Variants in MET observed in about 807,000 individuals in gnomAD.
MET encodes MET proto-oncogene, receptor tyrosine kinase, also known as hepatocyte growth factor receptor.
A neutral mutation model predicts 133.1 loss-of-function variants in MET; 48 were observed. The ratio of observed to expected loss-of-function variants is 0.36; its 90% CI spans 0.29 to 0.46. MET has a LOEUF of 0.46. Ranked by LOEUF, MET falls within the 20% of genes least tolerant of loss-of-function variation. MET has a pLI of 1.00. For missense variants in MET, 1,442 were observed against 1,695.9 expected, an observed-to-expected ratio of 0.85 and a Z score of 2.63; for synonymous variants, 628 against 616.5, an observed-to-expected ratio of 1.02 and a Z score of -0.28.
intron 1 of MET, among the ~76,000 whole-genome samples, chr7:116,674,429 A>C (rs1796081770): frequency 6.6e-6 from 1 of 152,254 alleles, no homozygotes; most frequent in Non-Finnish European, 1.5e-5. Context: ...AATCTTTAAA[A>C]AAAAATTGTC....
At chr7:116,775,156 A>G (rs769080501) in intron 15 of MET, 45 bp downstream of exon 15, 1 of 1,586,828 alleles carries the variant, frequency 6.3e-7, no homozygotes, top group Non-Finnish European at 8.7e-7. Context: ...ATTTTCCAGT[A>G]AGCATTTTAT....
intron 2 of MET, among the ~76,000 whole-genome samples, chr7:116,716,715 G>T (rs906119396): frequency 2.6e-5 from 4 of 152,226 alleles, no homozygotes; most frequent in African/African-American, 9.6e-5. Context: ...GGCATTTGCA[G>T]AGACAGGGCT....
chr7:116,709,159 C>T (rs893925429), intron 2 of MET, among the ~76,000 whole-genome samples: 6 of 152,064 alleles, frequency 3.9e-5, no homozygotes, highest in Non-Finnish European at 7.4e-5. Flanking sequence ...TATATTGTTC[C>T]GGTTTATAGG....
At position 116,754,758 on chromosome 7, in the gene MET, AG is replaced by A. The variant is rs533707752; in HGVS notation, c.1702-596del. ...CTTGAGCTCAAGAGGTTGAGGCTGC[AG>A]TGAGCCATGATCACGCCACTGCACT... On this transcript the variant is annotated intron_variant, in intron 5 of 20. Transcript: ENST00000397752. Among the ~76,000 whole-genome samples the A allele has an allele frequency of 2.2e-3, 333 of 151,600 alleles. 4 individuals are homozygous for A. Among genetic ancestry groups the A allele is most frequent in the East Asian group, 3.9e-4 (2 of 5,164 alleles).
rs548311809 is a variant in MET, at chr7:116,695,623, G to A, written c.-14-3448G>A. 6.5e-4 allele frequency: 185 copies of A among 284,926 alleles called. 4 individuals are homozygous for A. The highest frequency in any genetic ancestry group is 4.7e-3 in the South Asian group (152 of 32,288). The allele number at this position is 284,926 out of a possible 1,614,324, so 17.6% of individuals were successfully genotyped here. On this transcript the variant is annotated intron_variant, in intron 1 of 20. Coordinates refer to ENST00000397752, the MANE Select transcript of MET (RefSeq NM_000245.4). ...GCTTTGGAAGCTGCTTCGGCATAGTGAAGCACTTAAGAGCATGGATGGGTT... is the reference window on the plus strand; with the variant it reads ...GCTTTGGAAGCTGCTTCGGCATAGTAAAGCACTTAAGAGCATGGATGGGTT...
chr7:116,791,005 G>C (rs1795474408), intron 19 of MET, among the ~76,000 whole-genome samples: 1 of 152,152 alleles, frequency 6.6e-6, no homozygotes. Flanking sequence ...TTGAACCCTG[G>C]ATGCAGAGGT....
In MET at chr7:116,750,540, A is replaced by G. The variant is rs558225070; in HGVS notation, c.1702-4815A>G. Among the ~76,000 whole-genome samples, 37 of 152,370 alleles carry G rather than the reference A, an allele frequency of 2.4e-4. No homozygotes were observed. The East Asian group carries it at 6.2e-3, about 25-fold the overall frequency. ...ATGCATGGGCAAAGACTTCATGACT[A>G]AAACACCAAAAGCAATGGCAACAAA... On this transcript the variant is annotated intron_variant, in intron 5 of 20. Coordinates refer to ENST00000397752, the MANE Select transcript of MET (RefSeq NM_000245.4).
At chr7:116,716,339 AAAG>A (rs1792206088) in intron 2 of MET, among the ~76,000 whole-genome samples, 1 of 105,330 alleles carries the variant, frequency 9.5e-6, no homozygotes, top group African/African-American at 3.5e-5. Flanking sequence ...GAGAGAGAGA[AAAG>A]AAACGGAGAG....
rs2117060706 is a variant in MET at position 116,782,092 on chromosome 7, C to T, written c.3627C>T (p.Asn1209=). The T allele has an allele frequency of 1.2e-6, 2 of 1,605,286 alleles. No individual in the cohort carries two copies. Among genetic ancestry groups the T allele is most frequent in the Non-Finnish European group, 8.5e-7 (1 of 1,172,544 alleles). Residue 1209 remains asparagine, a synonymous_variant, in exon 18 of 21, where the codon AAC becomes AAT. Coordinates refer to ENST00000397752, the MANE Select transcript of MET (RefSeq NM_000245.4). The part of the protein sequence containing the change: ...KFVHRDLAAR[N]CMLDEKFTVK... ...TCCACAGAGACTTGGCTGCAAGAAA[C>T]TGTATGTAAGTATCAGAATCTCTGT... is the stretch of plus-strand genomic sequence containing the variant.
At chr7:116,781,560 T>G (rs530088726) in intron 17 of MET, among the ~76,000 whole-genome samples, 1 of 152,268 alleles carries the variant, frequency 6.6e-6, no homozygotes, top group South Asian at 2.1e-4. Context: ...GGCACACTTT[T>G]TGTTGTTGTT....
In MET at chr7:116,699,153, T is replaced by C; in HGVS notation, c.69T>C (p.Asn23=). 1 of 1,613,816 alleles carries C rather than the reference T, an allele frequency of 6.2e-7. No individual in the cohort carries two copies. Among genetic ancestry groups the C allele is most frequent in the Non-Finnish European group, 8.5e-7 (1 of 1,179,870 alleles). ...VLLFTLVQRS[N]GECKEALAKS... is the part of the protein sequence containing the mutation. ...TGTTTACCTTGGTGCAGAGGAGCAATGGGGAGTGTAAAGAGGCACTAGCAA... is the reference window on the plus strand; with the variant it reads ...TGTTTACCTTGGTGCAGAGGAGCAACGGGGAGTGTAAAGAGGCACTAGCAA... The change falls in exon 2 of 21, where the codon AAT becomes AAC. Residue 23 remains asparagine (N), a synonymous_variant. Coordinates refer to ENST00000397752, the MANE Select transcript of MET (RefSeq NM_000245.4).
chr7:116,739,775 A>G (rs1189287335), intron 3 of MET, among the ~76,000 whole-genome samples, 175 bp from the exon 4 acceptor site: 3 of 152,198 alleles, frequency 2.0e-5, no homozygotes, highest in East Asian at 1.9e-4. Flanking sequence ...ATTTGGCTTC[A>G]AGGCAAGAGA....
intron 3 of MET, among the ~76,000 whole-genome samples, chr7:116,734,968 T>C (rs1443654497): frequency 1.3e-5 from 2 of 152,242 alleles, no homozygotes; most frequent in East Asian, 3.8e-4. Context: ...ATAAGGCTTT[T>C]AATCTCTAAA....
At chr7:116,757,159 G>A (rs1187952229) in intron 6 of MET, among the ~76,000 whole-genome samples, 1 of 152,158 alleles carries the variant, frequency 6.6e-6, no homozygotes, top group South Asian at 2.1e-4. Context: ...CTTGAGCCCA[G>A]GAGTTCAAGG....
Position 116,700,220 on chromosome 7 carries a change from A to G in MET, c.1136A>G (p.Asn379Ser), listed in dbSNP as rs1320718414. 1.3e-6 allele frequency: 2 copies of G among 1,598,078 alleles called. No homozygotes were observed. The highest frequency in any genetic ancestry group is 2.7e-5 in the African/African-American group (2 of 74,076). Reference sequence around the variant, plus strand: ...AACGACTTCTTCAACAAGATCGTCAACAAAAACAATGTGAGATGTCTCCAG... The same window carrying G: ...AACGACTTCTTCAACAAGATCGTCAGCAAAAACAATGTGAGATGTCTCCAG... ...YVNDFFNKIVNKNNVRCLQHF... is the reference protein window; with the variant it reads ...YVNDFFNKIVSKNNVRCLQHF... The change falls in exon 2 of 21, where the codon AAC becomes AGC. Residue 379 changes from asparagine to serine, a missense_variant. Physicochemically the swap from Asn to Ser is conservative, Grantham distance 46. Transcript: ENST00000397752.
At chr7:116,718,230 T>C (rs1338398772) in intron 2 of MET, among the ~76,000 whole-genome samples, 1 of 151,796 alleles carries the variant, frequency 6.6e-6, no homozygotes, top group Non-Finnish European at 1.5e-5. Flanking sequence ...CTAATAAAAA[T>C]ACAAAAAAGT....
intron 1 of MET, among the ~76,000 whole-genome samples, chr7:116,689,351 C>T (rs1796691296): frequency 6.6e-6 from 1 of 152,006 alleles, no homozygotes; most frequent in East Asian, 1.9e-4. Flanking sequence ...AGATTTGGCC[C>T]AAATCTTTTT....
chr7:116,728,450 C>T (rs544290315), intron 2 of MET, among the ~76,000 whole-genome samples: 179 of 152,262 alleles, frequency 1.2e-3, no homozygotes, highest in Non-Finnish European at 2.0e-3. Flanking sequence ...TCTACATTTA[C>T]GCCTTACATG....
At chr7:116,685,279 A>G (rs539854084) in intron 1 of MET, among the ~76,000 whole-genome samples, 1 of 152,144 alleles carries the variant, frequency 6.6e-6, no homozygotes, top group Admixed American at 6.5e-5. Flanking sequence ...TGATGTCTAC[A>G]TGCTGACAAC....
Sources: allele counts gnomAD v4.1 joint callset (sites outside exome capture counted in the v4.1 genomes callset), GRCh38; gene constraint gnomAD v4.1.1; transcripts MANE v1.5; gene names NCBI Gene and HGNC (gene_info 2026-07-23, HGNC 2026-07-21).